OTOGL: variants seen among roughly 807,000 people sequenced by gnomAD.
OTOGL encodes the protein otogelin like.
OTOGL carries 285 observed loss-of-function variants against 318.5 expected under a neutral mutation model. That is an observed-to-expected ratio of 0.89 (90% CI 0.81 to 0.99). OTOGL has a LOEUF of 0.99. Ranked by LOEUF, OTOGL falls within the 50% of genes least tolerant of loss-of-function variation. The pLI is 0.00. For synonymous variants in OTOGL, 987 were observed against 936.5 expected, an observed-to-expected ratio of 1.05 and a Z score of -0.99; for missense variants, 2,899 against 2,845.6, an observed-to-expected ratio of 1.02 and a Z score of -0.43.
chr12:80,131,208 C>T (rs1592478351), intron 1 of OTOGL: 1 of 152,218 alleles, frequency 6.6e-6, no homozygotes, highest in South Asian at 2.1e-4. Context: ...TTGCATCCTC[C>T]TTGAATTCAA....
At chr12:80,138,238 G>GC (rs1279296289) in intron 1 of OTOGL, among the ~76,000 whole-genome samples, 1 of 152,090 alleles carries the variant, frequency 6.6e-6, no homozygotes, top group Admixed American at 6.6e-5. Flanking sequence ...GAAAGGCTTA[G>GC]AAGTATAATT....
intron 35 of OTOGL, among the ~76,000 whole-genome samples, chr12:80,325,359 C>G (rs993580345): frequency 1.3e-5 from 2 of 152,144 alleles, no homozygotes; most frequent in African/African-American, 4.8e-5. Flanking sequence ...CCTAGGGAGG[C>G]CTTGAGGGGT....
In OTOGL at chr12:80,270,170, A is replaced by G. The variant is rs370121112; in HGVS notation, c.2518+16A>G. 2.5e-6 allele frequency: 4 copies of G among 1,586,822 alleles called. No homozygotes were observed. The highest frequency in any genetic ancestry group is 3.5e-6 in the Non-Finnish European group (4 of 1,157,234). On this transcript the variant is annotated intron_variant, in intron 23 of 58. Coordinates refer to ENST00000547103, the MANE Select transcript of OTOGL (RefSeq NM_001378609.3). ...CCCTCTGCTGGTAAGATCTTAAAAG[A>G]TGTTTTCCTGAATGAGGGTTCAGCT...
chr12:80,153,194 A>C (rs1872896991), intron 1 of OTOGL, among the ~76,000 whole-genome samples: 1 of 152,186 alleles, frequency 6.6e-6, no homozygotes, highest in East Asian at 1.9e-4. Context: ...TGGGAAGTTC[A>C]AGAGTAACAC....
intron 26 of OTOGL, among the ~76,000 whole-genome samples, chr12:80,283,086 T>C (rs1321728803): frequency 6.6e-6 from 1 of 152,016 alleles, no homozygotes; most frequent in Non-Finnish European, 1.5e-5. Flanking sequence ...CATCCACTTC[T>C]AAAATCTTAG....
intron 29 of OTOGL, among the ~76,000 whole-genome samples, chr12:80,307,604 G>A (rs1429021224): frequency 3.5e-5 from 5 of 143,684 alleles, no homozygotes; most frequent in African/African-American, 1.0e-4. Context: ...GCGGCTGGCT[G>A]GGCGGGGGGC....
intron 15 of OTOGL, 43 bp downstream of exon 15, chr12:80,254,613 T>C (rs1326809771): frequency 6.6e-7 from 1 of 1,514,342 alleles, no homozygotes; most frequent in East Asian, 2.3e-5. Flanking sequence ...TTCAAATTTC[T>C]TTAGACTGGG....
intron 35 of OTOGL, among the ~76,000 whole-genome samples, chr12:80,328,425 G>A (rs1337408013): frequency 2.6e-5 from 4 of 152,138 alleles, no homozygotes; most frequent in Admixed American, 1.3e-4. Context: ...AAATATAAGT[G>A]TATGGTTCTA....
At chr12:80,292,850 A>G (rs918393513) in intron 26 of OTOGL, among the ~76,000 whole-genome samples, 1 of 152,214 alleles carries the variant, frequency 6.6e-6, no homozygotes, top group African/African-American at 2.4e-5. Flanking sequence ...GTTAAACACC[A>G]TTTCATATTT....
At chr12:80,101,380 T>C (rs940156719) in intron 1 of OTOGL, among the ~76,000 whole-genome samples, 5 of 152,164 alleles carry the variant, frequency 3.3e-5, no homozygotes, top group African/African-American at 1.2e-4. Flanking sequence ...AGAATTAAGG[T>C]AGTCACACAC....
intron 1 of OTOGL, among the ~76,000 whole-genome samples, chr12:80,147,033 G>GT (rs1872427747): frequency 6.6e-6 from 1 of 151,050 alleles, no homozygotes; most frequent in Non-Finnish European, 1.5e-5. Context: ...TTTTTGAAGG[G>GT]TTTTTTGTGT....
At position 80,255,133 on chromosome 12, in the gene OTOGL, G is replaced by T; in HGVS notation, c.1535G>T (p.Gly512Val). ...IGMCQYILVK[G>V]TGKDKFTITL... ...ATGTGCCAATACATCCTCGTGAAAG[G>T]AACTGGAAAAGATAAATTCACGATT... The change falls in exon 16 of 59, where the codon GGA (glycine) becomes GTA (valine). Residue 512 changes from glycine (G) to valine (V), a missense_variant. This residue lies in a region of OTOGL where 2,607 missense variants were observed against 2,524.9 expected (regional missense o/e 1.03). Transcript: ENST00000547103. 6.6e-7 allele frequency: 1 copy of T among 1,525,488 alleles called. No individual in the cohort carries two copies. The highest frequency in any genetic ancestry group is 8.8e-7 in the Non-Finnish European group (1 of 1,139,522). The allele number at this position is 1,525,488 out of a possible 1,614,324, so 94.5% of individuals were successfully genotyped here. A position where few individuals can be genotyped will look rare whatever the true frequency, so the allele number is the denominator to read the frequency against.
intron 45 of OTOGL, 111 bp from the exon 46 acceptor site, chr12:80,353,214 C>A (rs1889662867): frequency 2.2e-6 from 2 of 930,058 alleles, no homozygotes; most frequent in Non-Finnish European, 2.9e-6. Flanking sequence ...TTTGAAGAGA[C>A]TAAAATTTGC....
At chr12:80,251,943 A>T in intron 12 of OTOGL, 133 bp from the exon 13 acceptor site, 1 of 1,181,856 alleles carries the variant, frequency 8.5e-7, no homozygotes, top group Non-Finnish European at 1.1e-6. Flanking sequence ...ACTTTTTGAA[A>T]CAAGTATGCA....
chr12:80,264,571 C>A (rs1176965457), intron 19 of OTOGL, among the ~76,000 whole-genome samples: 2 of 152,178 alleles, frequency 1.3e-5, no homozygotes, highest in Non-Finnish European at 2.9e-5. Flanking sequence ...GAAATGAGAT[C>A]ATTCCCAATT....
intron 12 of OTOGL, 27 bp downstream of exon 12, chr12:80,251,826 G>C: frequency 6.5e-7 from 1 of 1,536,270 alleles, no homozygotes; most frequent in South Asian, 1.2e-5. Context: ...TCCAAGCCCT[G>C]TGTACTTTTG....
intron 11 of OTOGL, among the ~76,000 whole-genome samples, chr12:80,245,045 T>G (rs1291895557): frequency 6.9e-6 from 1 of 144,106 alleles, no homozygotes; most frequent in Non-Finnish European, 1.5e-5. Flanking sequence ...GAGTTCATTG[T>G]AGATTCTGGA....
At chr12:80,286,389 A>G (rs1349199946) in intron 26 of OTOGL, among the ~76,000 whole-genome samples, 1 of 152,196 alleles carries the variant, frequency 6.6e-6, no homozygotes, top group East Asian at 1.9e-4. Flanking sequence ...TGTCCACATA[A>G]AATGAGTTAG....
chr12:80,110,720 C>T (rs2137079085), intron 1 of OTOGL, among the ~76,000 whole-genome samples: 1 of 152,232 alleles, frequency 6.6e-6, no homozygotes, highest in East Asian at 1.9e-4. Context: ...CATACGTGTG[C>T]ATGTGTCTTT....
Sources: gnomAD v4.1 joint callset for allele counts (sites outside exome capture counted in the v4.1 genomes callset) on GRCh38, gnomAD v4.1.1 for gene constraint, gnomAD v4.1.1 regional missense constraint, MANE v1.5 for transcripts, NCBI Gene and HGNC (gene_info 2026-07-23, HGNC 2026-07-21) for gene names.